Variants in NPR3 observed in about 807,000 individuals in gnomAD.
The protein encoded by NPR3 is atrial natriuretic peptide receptor 3.
In NPR3, 34 loss-of-function variants were observed where a neutral mutation model predicts 54.5. The observed-to-expected ratio is 0.62, with a 90% confidence interval of 0.47 to 0.83. NPR3 has a LOEUF of 0.83. Among genes scored for constraint, NPR3 ranks in the 40% least tolerant of loss-of-function variants. The probability of loss-of-function intolerance (pLI) is 0.00; values close to 1 mark genes in which losing one functional copy is unlikely to be tolerated. For missense variants in NPR3, 674 were observed against 720.8 expected, an observed-to-expected ratio of 0.94 and a Z score of 0.74; for synonymous variants, 289 against 297.1, an observed-to-expected ratio of 0.97 and a Z score of 0.28.
chr5:32,753,349 A>G (rs983736706), intron 3 of NPR3, among the ~76,000 whole-genome samples: 4 of 151,828 alleles, frequency 2.6e-5, no homozygotes, highest in African/African-American at 9.7e-5. Context: ...TGTATGAAGG[A>G]GAACAGCACT....
intron 4 of NPR3, among the ~76,000 whole-genome samples, chr5:32,777,475 C>T (rs1057078732): frequency 3.9e-5 from 6 of 152,184 alleles, no homozygotes; most frequent in African/African-American, 1.4e-4. Context: ...CCCTTTAATG[C>T]ACTGGGGTAT....
intron 3 of NPR3, among the ~76,000 whole-genome samples, chr5:32,767,766 A>G (rs763846067): frequency 6.6e-6 from 1 of 152,162 alleles, no homozygotes; most frequent in Non-Finnish European, 1.5e-5. Context: ...AAAGCCATCC[A>G]TATAAAAACC....
intron 6 of NPR3, among the ~76,000 whole-genome samples, chr5:32,783,862 T>C (rs1742463052): frequency 6.6e-6 from 1 of 152,170 alleles, no homozygotes. Context: ...TGTGCCCACC[T>C]AAGCGTTTTG....
chr5:32,767,348 ACT>A (rs1484743631), intron 3 of NPR3, among the ~76,000 whole-genome samples: 6 of 152,038 alleles, frequency 3.9e-5, no homozygotes, highest in Non-Finnish European at 7.4e-5. Context: ...GGTTGGTCAG[ACT>A]CTCTGTCATA....
At chr5:32,710,886 G>GTATA (rs1738182045), upstream of NPR3, 2 of 932,224 alleles carry the variant, frequency 2.1e-6, no homozygotes, top group Non-Finnish European at 2.9e-6. Flanking sequence ...CACGGTGTGT[G>GTATA]TGTGTATATG....
intron 4 of NPR3, among the ~76,000 whole-genome samples, chr5:32,776,246 G>A (rs935709195): frequency 6.6e-6 from 1 of 152,182 alleles, no homozygotes; most frequent in African/African-American, 2.4e-5. Flanking sequence ...TAGATCCAAT[G>A]CAGTTTTAAA....
intron 2 of NPR3, among the ~76,000 whole-genome samples, chr5:32,736,250 A>AAAAAAAAAAAAAAG (rs1561096979): frequency 5.2e-4 from 67 of 128,518 alleles, no homozygotes; most frequent in Non-Finnish European, 7.1e-4. Context: ...AAAAAAAAAG[A>AAAAAAAAAAAAAAG]AAAAAAAAAG....
At chr5:32,739,188 T>C (rs931001169) in intron 3 of NPR3, among the ~76,000 whole-genome samples, 158 bp downstream of exon 3, 2 of 150,422 alleles carry the variant, frequency 1.3e-5, no homozygotes, top group African/African-American at 5.0e-5. Context: ...TGTGTGTTTT[T>C]TTTTTTTCCT....
chr5:32,691,059 C>T (rs1344324845), intron 1 of NPR3, among the ~76,000 whole-genome samples: 4 of 152,180 alleles, frequency 2.6e-5, no homozygotes, highest in Non-Finnish European at 5.9e-5. Flanking sequence ...AGAGGAGACA[C>T]TAGAAGAGCT....
At chr5:32,691,907 A>G (rs1444623287) in intron 1 of NPR3, among the ~76,000 whole-genome samples, 2 of 152,272 alleles carry the variant, frequency 1.3e-5, no homozygotes, top group Non-Finnish European at 2.9e-5. Context: ...AGATCTGTCC[A>G]TGCTATTCTC....
intron 3 of NPR3, among the ~76,000 whole-genome samples, chr5:32,758,793 G>T (rs1740992148): frequency 6.6e-6 from 1 of 152,056 alleles, no homozygotes; most frequent in Admixed American, 6.6e-5. Flanking sequence ...CAAAGATTCT[G>T]GTATGTTGTG....
intron 1 of NPR3, among the ~76,000 whole-genome samples, chr5:32,715,561 C>T (rs913023911): frequency 2.5e-4 from 38 of 151,962 alleles, no homozygotes; most frequent in Admixed American, 7.9e-4. Flanking sequence ...TCATGTCTTT[C>T]GCTAATGCCA....
intron 3 of NPR3, among the ~76,000 whole-genome samples, chr5:32,740,569 T>C (rs1739983685): frequency 6.6e-6 from 1 of 151,620 alleles, no homozygotes; most frequent in African/African-American, 2.4e-5. Context: ...GAGCCACATA[T>C]AGAATTTAAA....
At chr5:32,749,884 C>T (rs960126611) in intron 3 of NPR3, among the ~76,000 whole-genome samples, 1 of 152,064 alleles carries the variant, frequency 6.6e-6, no homozygotes, top group Non-Finnish European at 1.5e-5. Context: ...GGAGGAGATC[C>T]GACTCAATTT....
intron 3 of NPR3, among the ~76,000 whole-genome samples, chr5:32,755,093 C>T (rs149919339): frequency 0.017 from 2,562 of 152,288 alleles, 74 homozygotes; most frequent in African/African-American, 0.059. Context: ...ATCTCCTGAC[C>T]TCGTGATCCG....
intron 4 of NPR3, among the ~76,000 whole-genome samples, chr5:32,776,260 C>A (rs1215680560): frequency 6.6e-6 from 1 of 152,160 alleles, no homozygotes; most frequent in Non-Finnish European, 1.5e-5. Flanking sequence ...TTTTAAATGA[C>A]AGTTACATAT....
chr5:32,732,045 T>A (rs1739482077), intron 2 of NPR3, among the ~76,000 whole-genome samples: 1 of 151,670 alleles, frequency 6.6e-6, no homozygotes, highest in Non-Finnish European at 1.5e-5. Flanking sequence ...ATCGAGACCA[T>A]CCTGGCTAAC....
chr5:32,718,086 T>C (rs1738651265), intron 1 of NPR3, among the ~76,000 whole-genome samples: 3 of 152,240 alleles, frequency 2.0e-5, no homozygotes, highest in Admixed American at 2.0e-4. Flanking sequence ...GCTAGTCAAT[T>C]TTCCCAGCAC....
intron 1 of NPR3, among the ~76,000 whole-genome samples, chr5:32,715,414 C>G (rs181276788): frequency 2.0e-5 from 3 of 151,992 alleles, no homozygotes; most frequent in Admixed American, 1.3e-4. Flanking sequence ...AAAAACTGAC[C>G]GTGCCAGCAT....
Sources: allele counts gnomAD v4.1 joint callset (sites outside exome capture counted in the v4.1 genomes callset), GRCh38; gene constraint gnomAD v4.1.1; transcripts MANE v1.5; gene names NCBI Gene and HGNC (gene_info 2026-07-23, HGNC 2026-07-21).